The following CCNB3 variants were observed in gnomAD, a reference collection of about 807,000 sequenced individuals.
CCNB3 encodes the protein G2/mitotic-specific cyclin-B3.
Under a neutral mutation model 68.0 loss-of-function variants are expected in CCNB3, and 12 were observed. That is an observed-to-expected ratio of 0.18 (90% CI 0.11 to 0.29). The LOEUF (loss-of-function observed/expected upper bound fraction) is 0.29. CCNB3 is among the 10% of genes least tolerant of loss of function. The probability of loss-of-function intolerance (pLI) is 1.00; values close to 1 mark genes in which losing one functional copy is unlikely to be tolerated. For missense variants in CCNB3, 904 were observed against 993.1 expected (o/e 0.91, Z 1.21); for synonymous variants, 354 against 388.9 (o/e 0.91, Z 1.06).
intron 1 of CCNB3, among the ~76,000 whole-genome samples, chrX:50,280,115 T>G (rs1490351528): frequency 6.9e-5 from 6 of 87,415 alleles, no homozygotes; most frequent in Admixed American, 4.5e-4. Context: ...ATAGAATATA[T>G]AAATATATAT....
At chrX:50,211,997 G>T (rs1935490530) in intron 1 of CCNB3, among the ~76,000 whole-genome samples, 2 of 112,030 alleles carry the variant, frequency 1.8e-5, no homozygotes, top group Admixed American at 1.9e-4. Context: ...AGTAACTTCT[G>T]GTGATGTTGA....
chrX:50,349,994 G>A (rs1557220883), intron 11 of CCNB3, among the ~76,000 whole-genome samples: 1 of 111,250 alleles, frequency 9.0e-6, no homozygotes, highest in South Asian at 3.9e-4. Context: ...TCCTGACAGA[G>A]TTCGTGGGTC....
At chrX:50,221,877 G>T (rs1264744632) in intron 1 of CCNB3, among the ~76,000 whole-genome samples, 3 of 110,987 alleles carry the variant, frequency 2.7e-5, no homozygotes, top group Non-Finnish European at 5.7e-5. Context: ...GGGTGTTAAA[G>T]TCTCCCACTA....
At chrX:50,322,660 T>C (rs1922085826) in intron 8 of CCNB3, among the ~76,000 whole-genome samples, 1 of 111,875 alleles carries the variant, frequency 8.9e-6, no homozygotes, top group Admixed American at 9.5e-5. Context: ...AGAAAATTTT[T>C]GCAATCTACT....
upstream of CCNB3, among the ~76,000 whole-genome samples, chrX:50,203,666 A>AT (rs1602171786): frequency 8.9e-6 from 1 of 111,869 alleles, no homozygotes; most frequent in Non-Finnish European, 1.9e-5. Flanking sequence ...CATTGTACAT[A>AT]TTTTTTCTTT....
At position 50,310,359 on chromosome X, in the gene CCNB3, T is replaced by C; in HGVS notation, c.2190T>C (p.Ala730=). Residue 730 remains alanine, a synonymous_variant, in exon 6 of 13, where the codon GCT becomes GCC. Coordinates refer to ENST00000376042, the MANE Select transcript of CCNB3 (RefSeq NM_033031.3). ...AGTCCCTTATCAATAAGCTATTGGC[T>C]CTGAAGGAGGAGCTTTCTGCTGAGG... ...EEESLINKLL[A]LKEELSAEAA... 1 of 1,211,958 alleles carries C rather than the reference T, an allele frequency of 8.3e-7. No homozygotes were observed. Among genetic ancestry groups the C allele is most frequent in the Non-Finnish European group, 1.1e-6 (1 of 895,517 alleles).
At chrX:50,322,318 G>C (rs1269644219) in intron 8 of CCNB3, among the ~76,000 whole-genome samples, 1 of 110,840 alleles carries the variant, frequency 9.0e-6, no homozygotes, top group Non-Finnish European at 1.9e-5. Context: ...ACAAGCAATG[G>C]GGAAAGGATT....
At position 50,332,641 on chromosome X, in the gene CCNB3, T is replaced by C. The variant is rs781992064; in HGVS notation, c.3517-9561T>C. Reference sequence around the variant, plus strand: ...CAGGCTTGGTTTCGCCTCCCAGATTTCATTGGCTGTGGTGGATCCAGGCTG... The same window carrying C: ...CAGGCTTGGTTTCGCCTCCCAGATTCCATTGGCTGTGGTGGATCCAGGCTG... On this transcript the variant is annotated intron_variant, in intron 8 of 12. Transcript: ENST00000376042. Among the ~76,000 whole-genome samples, 5 of 111,099 alleles carry C rather than the reference T, an allele frequency of 4.5e-5. No individual in the cohort carries two copies. The East Asian group carries it at 1.4e-3, about 32-fold the overall frequency.
At chrX:50,331,526 A>G (rs782296516) in intron 8 of CCNB3, among the ~76,000 whole-genome samples, 8 of 111,448 alleles carry the variant, frequency 7.2e-5, no homozygotes, top group Admixed American at 3.8e-4. Context: ...TGCAGAAATT[A>G]TCAGGGTGAT....
At chrX:50,289,005 T>C (rs929006803) in intron 4 of CCNB3, 118 bp downstream of exon 4, 4 of 461,534 alleles carry the variant, frequency 8.7e-6, no homozygotes, top group Non-Finnish European at 1.5e-5. Context: ...CAAATTTTAT[T>C]TGGGACCAAT....
At chrX:50,313,071 A>G (rs1921552777) in intron 7 of CCNB3, among the ~76,000 whole-genome samples, 1 of 111,237 alleles carries the variant, frequency 9.0e-6, no homozygotes, top group South Asian at 3.8e-4. Context: ...ATTGTAGGCA[A>G]AATCGTATTC....
chrX:50,210,477 G>A (rs1402008000), intron 1 of CCNB3, among the ~76,000 whole-genome samples: 1 of 112,145 alleles, frequency 8.9e-6, no homozygotes, highest in Non-Finnish European at 1.9e-5. Flanking sequence ...TTTTTGTATT[G>A]CTGTGGTTTT....
At chrX:50,207,016 CCGT>C (rs1478270020) in intron 1 of CCNB3, among the ~76,000 whole-genome samples, 1 of 111,750 alleles carries the variant, frequency 8.9e-6, no homozygotes, top group Admixed American at 9.5e-5. Context: ...CGTAAAAAAG[CCGT>C]CTTGAGAAGG....
intron 1 of CCNB3, among the ~76,000 whole-genome samples, chrX:50,280,219 A>G (rs1420662009): frequency 1.2e-5 from 1 of 85,288 alleles, no homozygotes; most frequent in African/African-American, 4.4e-5. Flanking sequence ...TTTTTAGAAT[A>G]TATATAAATA....
chrX:50,225,811 T>C (rs1037081821), intron 1 of CCNB3, among the ~76,000 whole-genome samples: 2 of 106,751 alleles, frequency 1.9e-5, no homozygotes, highest in Non-Finnish European at 1.9e-5. Context: ...AGTTCTATTG[T>C]GAACATGCTG....
At position 50,309,796 on chromosome X, in the gene CCNB3, A is replaced by G; in HGVS notation, c.1627A>G (p.Met543Val). The G allele has an allele frequency of 8.3e-7, 1 of 1,210,008 alleles. No homozygotes were observed. Among genetic ancestry groups the G allele is most frequent in the Non-Finnish European group, 1.1e-6 (1 of 893,834 alleles). The change falls in exon 6 of 13, where the codon ATG becomes GTG. Residue 543 changes from methionine (M) to valine (V), a missense_variant. Coordinates refer to ENST00000376042, the MANE Select transcript of CCNB3 (RefSeq NM_033031.3). ...LKKKCTTQEM[M>V]SICPELLDFQ... ...GAAAAAGTGTACCACACAAGAGATG[A>G]TGTCCATCTGTCCAGAACTGTTGGA...
chrX:50,301,939 C>T (rs903401226), intron 5 of CCNB3, among the ~76,000 whole-genome samples: 11 of 112,689 alleles, frequency 9.8e-5, no homozygotes, highest in Non-Finnish European at 2.1e-4. Flanking sequence ...GAGCCATGTG[C>T]GGGATATAAT....
intron 1 of CCNB3, among the ~76,000 whole-genome samples, chrX:50,224,556 GA>G (rs1372043832): frequency 1.8e-5 from 2 of 111,670 alleles, no homozygotes; most frequent in African/African-American, 6.5e-5. Context: ...GAAAAGCTAG[GA>G]AAAAATAGGA....
At chrX:50,228,922 AATAC>A (rs1307025133) in intron 1 of CCNB3, among the ~76,000 whole-genome samples, 58 of 39,077 alleles carry the variant, frequency 1.5e-3, no homozygotes, top group African/African-American at 5.9e-3. Context: ...AATATATATA[AATAC>A]ATATAAATAT....
Sources: allele counts gnomAD v4.1 joint callset (sites outside exome capture counted in the v4.1 genomes callset), GRCh38; gene constraint gnomAD v4.1.1; transcripts MANE v1.5; gene names NCBI Gene and HGNC (gene_info 2026-07-23, HGNC 2026-07-21).